DNAJC5B: variants seen among roughly 807,000 people sequenced by gnomAD.
DNAJC5B encodes the protein DnaJ heat shock protein family (Hsp40) member C5 beta, also known as dnaJ homolog subfamily C member 5B.
Under a neutral mutation model 24.7 loss-of-function variants are expected in DNAJC5B, and 23 were observed. The observed-to-expected ratio is 0.93, with a 90% confidence interval of 0.67 to 1.32. The LOEUF is 1.32. Among genes scored for constraint, DNAJC5B ranks in the 40% most tolerant of loss-of-function variants. The pLI is 0.00. For synonymous variants in DNAJC5B, 101 were observed against 90.1 expected, an observed-to-expected ratio of 1.12 and a Z score of -0.68; for missense variants, 238 against 240.8, an observed-to-expected ratio of 0.99 and a Z score of 0.08.
At chr8:66,022,098 T>A (rs1586054813) in intron 1 of DNAJC5B, among the ~76,000 whole-genome samples, 2 of 152,136 alleles carry the variant, frequency 1.3e-5, no homozygotes, top group Non-Finnish European at 2.9e-5. Context: ...AGTTCAAATC[T>A]TGAAAGGCAA....
intron 3 of DNAJC5B, among the ~76,000 whole-genome samples, chr8:66,055,358 G>A (rs1806939785): frequency 6.6e-6 from 1 of 152,148 alleles, no homozygotes; most frequent in South Asian, 2.1e-4. Flanking sequence ...TCACAATATA[G>A]TGAATTAAAA....
At chr8:66,058,196 C>T (rs986657086) in intron 3 of DNAJC5B, among the ~76,000 whole-genome samples, 2 of 152,170 alleles carry the variant, frequency 1.3e-5, no homozygotes, top group Admixed American at 6.5e-5. Context: ...TAGTATTCCA[C>T]GACATGGATG....
At chr8:66,076,918 A>G in intron 4 of DNAJC5B, 45 bp downstream of exon 4, 2 of 1,598,516 alleles carry the variant, frequency 1.3e-6, no homozygotes, top group Non-Finnish European at 1.7e-6. Flanking sequence ...TAAGACCATG[A>G]TATTAATCAC....
chr8:66,079,625 G>A (rs182659643), intron 4 of DNAJC5B, among the ~76,000 whole-genome samples: 14 of 152,304 alleles, frequency 9.2e-5, no homozygotes, highest in Non-Finnish European at 1.9e-4. Flanking sequence ...GTGCAGGGAG[G>A]CATTGGCAGA....
intron 5 of DNAJC5B, among the ~76,000 whole-genome samples, chr8:66,090,369 A>T (rs1807823231): frequency 6.6e-6 from 1 of 152,000 alleles, no homozygotes; most frequent in African/African-American, 2.4e-5. Flanking sequence ...GCAAACCCAA[A>T]ATATAAGATC....
At chr8:66,050,650 G>T (rs1806825657) in intron 2 of DNAJC5B, among the ~76,000 whole-genome samples, 2 of 152,184 alleles carry the variant, frequency 1.3e-5, no homozygotes, top group Admixed American at 1.3e-4. Context: ...AGCACAAGAT[G>T]CAGTGGGGAC....
intron 5 of DNAJC5B, among the ~76,000 whole-genome samples, chr8:66,088,173 C>T (rs1007879207): frequency 2.6e-5 from 4 of 152,190 alleles, no homozygotes; most frequent in African/African-American, 4.8e-5. Context: ...CCCAATACCA[C>T]GTGGAAGCCA....
At chr8:66,040,320 G>T (rs1806580958) in intron 1 of DNAJC5B, among the ~76,000 whole-genome samples, 1 of 152,136 alleles carries the variant, frequency 6.6e-6, no homozygotes, top group Admixed American at 6.5e-5. Flanking sequence ...AACTCAGGAG[G>T]CGGAGGTTGC....
At chr8:66,043,667 C>G (rs539599396) in intron 2 of DNAJC5B, 56 bp downstream of exon 2, 1 of 152,258 alleles carries the variant, frequency 6.6e-6, no homozygotes, top group Non-Finnish European at 1.5e-5. Context: ...ACATCTATTT[C>G]CAGACCAGTT....
At chr8:66,034,861 C>G (rs1806447267) in intron 1 of DNAJC5B, among the ~76,000 whole-genome samples, 1 of 152,168 alleles carries the variant, frequency 6.6e-6, no homozygotes, top group Non-Finnish European at 1.5e-5. Flanking sequence ...GCCCAGAAAA[C>G]AGATCTGCCT....
At chr8:66,079,073 C>T (rs1198804932) in intron 4 of DNAJC5B, among the ~76,000 whole-genome samples, 1 of 152,126 alleles carries the variant, frequency 6.6e-6, no homozygotes, top group African/African-American at 2.4e-5. Flanking sequence ...TTCACAAAAA[C>T]TGACTTTTTA....
intron 3 of DNAJC5B, among the ~76,000 whole-genome samples, chr8:66,067,698 G>A (rs1807250916): frequency 6.6e-6 from 1 of 152,124 alleles, no homozygotes; most frequent in South Asian, 2.1e-4. Context: ...AAGCCACATG[G>A]AGAACAGAGT....
intron 1 of DNAJC5B, among the ~76,000 whole-genome samples, chr8:66,036,091 T>G (rs1806478134): frequency 6.6e-6 from 1 of 152,208 alleles, no homozygotes; most frequent in African/African-American, 2.4e-5. Flanking sequence ...GTATTTAAAT[T>G]AAACACCCCA....
At chr8:66,020,206 ACTT>A, upstream of DNAJC5B, among the ~76,000 whole-genome samples, 2 of 152,324 alleles carry the variant, frequency 1.3e-5, 1 homozygote, top group Admixed American at 1.3e-4. Context: ...GCAAGACACA[ACTT>A]CTCTAAGCTA....
At chr8:66,059,640 AAG>A (rs1299073347) in intron 3 of DNAJC5B, among the ~76,000 whole-genome samples, 1 of 152,210 alleles carries the variant, frequency 6.6e-6, no homozygotes, top group Non-Finnish European at 1.5e-5. Flanking sequence ...GGGTTCACTG[AAG>A]AGTCTCTGCC....
At chr8:66,087,402 C>T (rs1238392901) in intron 5 of DNAJC5B, among the ~76,000 whole-genome samples, 3 of 152,236 alleles carry the variant, frequency 2.0e-5, no homozygotes, top group South Asian at 2.1e-4. Flanking sequence ...AGAGCCAAAC[C>T]ATATCATTCT....
chr8:66,059,816 T>C (rs1325878851), intron 3 of DNAJC5B, among the ~76,000 whole-genome samples: 1 of 152,200 alleles, frequency 6.6e-6, no homozygotes, highest in African/African-American at 2.4e-5. Context: ...AGACATAACC[T>C]TGGGTGCTAG....
intron 3 of DNAJC5B, among the ~76,000 whole-genome samples, chr8:66,068,356 A>T (rs1204003448): frequency 6.6e-6 from 1 of 152,124 alleles, no homozygotes; most frequent in East Asian, 1.9e-4. Flanking sequence ...ATGGAAAGGG[A>T]TATTTCAGAT....
chr8:66,015,857 A>T, the DNAJC5B span, among the ~76,000 whole-genome samples: 1 of 152,230 alleles, frequency 6.6e-6, no homozygotes, highest in African/African-American at 2.4e-5. Context: ...AGAGGGACAC[A>T]AATGAAAGGC....
Sources: gnomAD v4.1 joint callset for allele counts (sites outside exome capture counted in the v4.1 genomes callset) on GRCh38, gnomAD v4.1.1 for gene constraint, MANE v1.5 for transcripts, NCBI Gene and HGNC (gene_info 2026-07-23, HGNC 2026-07-21) for gene names.